CCDC149: variants seen among roughly 807,000 people sequenced by gnomAD.
CCDC149 encodes coiled-coil domain containing 149.
CCDC149 carries 45 observed loss-of-function variants against 59.9 expected under a neutral mutation model. The observed-to-expected ratio is 0.75, with a 90% CI of 0.59 to 0.96. The LOEUF (loss-of-function observed/expected upper bound fraction) is 0.96, where lower values mean the gene tolerates loss of function less well. Ranked by LOEUF, CCDC149 falls within the 40% of genes least tolerant of loss-of-function variation. CCDC149 has a pLI of 0.00. For synonymous variants in CCDC149, 245 were observed against 260.6 expected (o/e 0.94, Z 0.58); for missense variants, 584 against 664.7 (o/e 0.88, Z 1.33).
At chr4:24,960,302 A>G (rs1473297153) in intron 1 of CCDC149, among the ~76,000 whole-genome samples, 2 of 152,182 alleles carry the variant, frequency 1.3e-5, no homozygotes, top group Non-Finnish European at 2.9e-5. Context: ...ATTGTTAGCT[A>G]TAAATCTTTG....
upstream of CCDC149, among the ~76,000 whole-genome samples, chr4:24,913,377 T>G (rs1201124813): frequency 6.6e-6 from 1 of 152,248 alleles, no homozygotes; most frequent in Non-Finnish European, 1.5e-5. Context: ...GGTTCGCAGA[T>G]GTGCCTTTGG....
intron 1 of CCDC149, among the ~76,000 whole-genome samples, chr4:24,887,081 T>C (rs1046270978): frequency 6.6e-6 from 1 of 152,176 alleles, no homozygotes; most frequent in African/African-American, 2.4e-5. Context: ...GTGCTCATCA[T>C]GTGCTCATCA....
intron 1 of CCDC149, among the ~76,000 whole-genome samples, chr4:24,937,816 C>T (rs73250635): frequency 0.11 from 16,099 of 152,192 alleles, 1,009 homozygotes; most frequent in African/African-American, 0.17. Context: ...ACATGGAAGT[C>T]GGTGAGGAGT....
intron 1 of CCDC149, among the ~76,000 whole-genome samples, chr4:24,881,993 C>T (rs1719868234): frequency 6.6e-6 from 1 of 152,076 alleles, no homozygotes; most frequent in Non-Finnish European, 1.5e-5. Context: ...TGTGCCCCAC[C>T]CCCAAAAATC....
chr4:24,976,263 G>GCAACATGGAGCA (rs1724189709), intron 1 of CCDC149, among the ~76,000 whole-genome samples: 1 of 152,196 alleles, frequency 6.6e-6, no homozygotes, highest in African/African-American at 2.4e-5. Context: ...ATCAAGGAAA[G>GCAACATGGAGCA]CAACATGGAG....
intron 1 of CCDC149, among the ~76,000 whole-genome samples, chr4:24,956,304 G>T (rs115066389): frequency 6.6e-6 from 1 of 151,950 alleles, no homozygotes; most frequent in African/African-American, 2.4e-5. Context: ...CCCTCTCAGT[G>T]ACCCTCTATT....
intron 1 of CCDC149, among the ~76,000 whole-genome samples, chr4:24,928,269 T>A (rs564499935): frequency 1.3e-5 from 2 of 152,210 alleles, no homozygotes; most frequent in African/African-American, 4.8e-5. Context: ...GGTATTTTTC[T>A]AGAGACACGT....
intron 1 of CCDC149, among the ~76,000 whole-genome samples, chr4:24,934,182 C>T (rs959428484): frequency 2.0e-5 from 3 of 152,150 alleles, no homozygotes; most frequent in African/African-American, 7.2e-5. Flanking sequence ...AATTGTAGCT[C>T]CTATAATTCC....
In CCDC149 at chr4:24,876,560, C is replaced by T. The variant is rs1719452658; in HGVS notation, c.201G>A (p.Leu67=). The change falls in exon 2 of 13, where the codon CTG becomes CTA. Residue 67 remains leucine (L), a synonymous_variant. Coordinates refer to ENST00000635206, the MANE Select transcript of CCDC149 (RefSeq NM_001330643.2). The stretch of plus-strand genomic sequence containing the variant: ...CAATCAGCTCTCGGTACTTCTTCTT[C>T]AGTGACTGGTGGCGCTCCCGGAGCT... 6.2e-7 allele frequency: 1 copy of T among 1,614,094 alleles called. No individual in the cohort carries two copies. The highest frequency in any genetic ancestry group is 8.5e-7 in the Non-Finnish European group (1 of 1,179,948).
intron 1 of CCDC149, among the ~76,000 whole-genome samples, chr4:24,945,984 A>G (rs1199423223): frequency 6.6e-6 from 1 of 152,150 alleles, no homozygotes; most frequent in Non-Finnish European, 1.5e-5. Flanking sequence ...CAGCTTGAGA[A>G]CCATTGTTCC....
intron 1 of CCDC149, among the ~76,000 whole-genome samples, chr4:24,938,808 G>T (rs1444019108): frequency 6.6e-6 from 1 of 152,254 alleles, no homozygotes; most frequent in Non-Finnish European, 1.5e-5. Context: ...TAGCACAGCA[G>T]TCTGAGATCA....
chr4:24,831,358 C>A, intron 9 of CCDC149, 148 bp downstream of exon 9: 3 of 741,682 alleles, frequency 4.0e-6, no homozygotes, highest in Admixed American at 2.7e-5. Flanking sequence ...AGCAGAAGCA[C>A]CATTCTAGTT....
intron 1 of CCDC149, among the ~76,000 whole-genome samples, chr4:24,910,905 C>G (rs1721834548): frequency 6.6e-6 from 1 of 152,134 alleles, no homozygotes; most frequent in Non-Finnish European, 1.5e-5. Context: ...GAAGGATGCA[C>G]TCAAAAAATA....
At chr4:24,813,495 T>C (rs1322763279) in intron 12 of CCDC149, among the ~76,000 whole-genome samples, 2 of 12,982 alleles carry the variant, frequency 1.5e-4, no homozygotes, top group African/African-American at 3.4e-4. Flanking sequence ...GGGGAATATA[T>C]ATATATATAT....
intron 1 of CCDC149, among the ~76,000 whole-genome samples, chr4:24,959,588 T>C (rs1308969616): frequency 3.9e-5 from 6 of 152,052 alleles, no homozygotes; most frequent in Non-Finnish European, 7.4e-5. Flanking sequence ...AAGAAACCCA[T>C]ACCAAGGCAT....
Position 24,837,393 on chromosome 4 carries a change from G to T in CCDC149, c.497C>A (p.Ser166Tyr). 1 of 1,614,122 alleles carries T rather than the reference G, an allele frequency of 6.2e-7. No homozygotes were observed. The highest frequency in any genetic ancestry group is 8.5e-7 in the Non-Finnish European group (1 of 1,179,984). The change falls in exon 6 of 13, where the codon TCT becomes TAT. Residue 166 changes from serine to tyrosine, a missense_variant. Coordinates refer to ENST00000635206, the MANE Select transcript of CCDC149 (RefSeq NM_001330643.2). This position sits in a 1 kb window ranked among gnomAD's most constrained non-coding sequence, Gnocchi z 4.3. ...AGAAGCCTGCAGGTCGTGCTCCAGA[G>T]ACTCAATCTAAAACCACAGGGAGAG...
chr4:24,808,935 G>A, intron 12 of CCDC149, 116 bp from the exon 13 acceptor site: 2 of 1,008,072 alleles, frequency 2.0e-6, no homozygotes, highest in Non-Finnish European at 2.8e-6. Context: ...AAAGGAGCAA[G>A]ACTTTTTTGG....
Position 24,808,098 on chromosome 4 carries a change from G to A in CCDC149, c.*291C>T. The stretch of plus-strand genomic sequence containing the variant: ...AACAAAAGCTGACAGAAAGACGGAT[G>A]CTGAAAACCAGCCATATGGTGGACA... On this transcript the variant is annotated 3_prime_UTR_variant, in exon 13 of 13. Transcript: ENST00000635206. The A allele has an allele frequency of 7.3e-6, 2 of 273,892 alleles. No homozygotes were observed. The highest frequency in any genetic ancestry group is 1.4e-5 in the Non-Finnish European group (2 of 147,518). The allele number at this position is 273,892 out of a possible 1,614,324, so 17.0% of individuals were successfully genotyped here.
At chr4:24,948,905 C>G (rs1278553706) in intron 1 of CCDC149, among the ~76,000 whole-genome samples, 1 of 152,176 alleles carries the variant, frequency 6.6e-6, no homozygotes, top group East Asian at 1.9e-4. Context: ...CCTGCACAAA[C>G]TCTCTCTTTG....
Sources: allele counts gnomAD v4.1 joint callset (sites outside exome capture counted in the v4.1 genomes callset), GRCh38; gene constraint gnomAD v4.1.1; non-coding constraint Gnocchi (gnomAD v3.1); transcripts MANE v1.5; gene names NCBI Gene and HGNC (gene_info 2026-07-23, HGNC 2026-07-21).